Variants in FGF10 observed in about 807,000 individuals in gnomAD.
FGF10 encodes the protein FGF-10.
In FGF10, 2 loss-of-function variants were observed where a neutral mutation model predicts 19.8. The observed-to-expected ratio is 0.10, with a 90% CI of 0.04 to 0.32. The LOEUF (loss-of-function observed/expected upper bound fraction) is 0.32. Ranked by LOEUF, FGF10 falls within the 10% of genes least tolerant of loss-of-function variation. The pLI is 1.00. For missense variants in FGF10, 191 were observed against 246.3 expected (o/e 0.78, Z 1.50); for synonymous variants, 112 against 94.0 (o/e 1.19, Z -1.10).
At chr5:44,339,581 T>C (rs1205211478) in intron 1 of FGF10, among the ~76,000 whole-genome samples, 2 of 152,206 alleles carry the variant, frequency 1.3e-5, no homozygotes, top group Non-Finnish European at 2.9e-5. Flanking sequence ...CAACACTCTA[T>C]TTGTGAAACA....
chr5:44,343,964 G>A (rs771090691), intron 1 of FGF10, among the ~76,000 whole-genome samples: 3 of 151,996 alleles, frequency 2.0e-5, no homozygotes, highest in African/African-American at 4.8e-5. Flanking sequence ...AATGACTGGT[G>A]TTGAGAAAAT....
At chr5:44,314,281 A>T (rs1740282521) in intron 1 of FGF10, among the ~76,000 whole-genome samples, 1 of 152,304 alleles carries the variant, frequency 6.6e-6, no homozygotes. Context: ...TTTAGTAAAC[A>T]TCTTGTGCAG....
At chr5:44,344,113 T>G (rs921147231) in intron 1 of FGF10, among the ~76,000 whole-genome samples, 4 of 151,800 alleles carry the variant, frequency 2.6e-5, no homozygotes, top group Non-Finnish European at 5.9e-5. Context: ...CAAGCCAGGT[T>G]GGATGGCCAG....
At chr5:44,338,304 C>T (rs571024282) in intron 1 of FGF10, among the ~76,000 whole-genome samples, 9 of 152,262 alleles carry the variant, frequency 5.9e-5, no homozygotes, top group Non-Finnish European at 1.2e-4. Context: ...TCTTTGTACT[C>T]TTCTGTATTT....
chr5:44,319,867 G>A (rs1194402074), intron 1 of FGF10, among the ~76,000 whole-genome samples: 1 of 152,116 alleles, frequency 6.6e-6, no homozygotes, highest in Non-Finnish European at 1.5e-5. Context: ...CCATGGACTG[G>A]TACTGGTCCA....
chr5:44,340,658 A>G (rs1740949455), intron 1 of FGF10, among the ~76,000 whole-genome samples: 1 of 151,988 alleles, frequency 6.6e-6, no homozygotes, highest in Non-Finnish European at 1.5e-5. Flanking sequence ...GTGTTACTTA[A>G]CATGAAATTC....
intron 1 of FGF10, among the ~76,000 whole-genome samples, chr5:44,346,603 C>T (rs1167150396): frequency 6.6e-6 from 1 of 151,816 alleles, no homozygotes; most frequent in African/African-American, 2.4e-5. Flanking sequence ...AACTCATGCA[C>T]TCTGCCTGAG....
chr5:44,383,101 C>T (rs1306545023), intron 1 of FGF10, among the ~76,000 whole-genome samples: 2 of 151,912 alleles, frequency 1.3e-5, no homozygotes, highest in Admixed American at 6.6e-5. Flanking sequence ...TCACAGGCAG[C>T]TCATAAATGG....
At position 44,388,735 on chromosome 5, in the gene FGF10, A is replaced by G; in HGVS notation, c.-53T>C. The G allele has an allele frequency of 6.9e-6, 11 of 1,587,836 alleles. No individual in the cohort carries two copies. Among genetic ancestry groups the G allele is most frequent in the Non-Finnish European group, 9.5e-6 (11 of 1,157,704 alleles). On this transcript the variant is annotated 5_prime_UTR_variant, in exon 1 of 3. Coordinates refer to ENST00000264664, the MANE Select transcript of FGF10 (RefSeq NM_004465.2). ...TGTCTCATCAGAAGGAACATACTGGAAGGGTAAGACCCGATGCAAGGCAAG... is the reference window on the plus strand; with the variant it reads ...TGTCTCATCAGAAGGAACATACTGGGAGGGTAAGACCCGATGCAAGGCAAG...
intron 1 of FGF10, among the ~76,000 whole-genome samples, chr5:44,385,346 G>A (rs2111930113): frequency 6.6e-6 from 1 of 152,178 alleles, no homozygotes; most frequent in South Asian, 2.1e-4. Flanking sequence ...CGAATTTCTG[G>A]GAACTAGCTT....
At chr5:44,367,168 A>G (rs1370291118) in intron 1 of FGF10, among the ~76,000 whole-genome samples, 1 of 152,086 alleles carries the variant, frequency 6.6e-6, no homozygotes, top group African/African-American at 2.4e-5. Flanking sequence ...AAATGTTTCC[A>G]TTTATCATCC....
At chr5:44,348,649 T>C (rs114579754) in intron 1 of FGF10, among the ~76,000 whole-genome samples, 362 of 150,684 alleles carry the variant, frequency 2.4e-3, no homozygotes, top group Middle Eastern at 6.8e-3. Flanking sequence ...CCAATTAAAT[T>C]TGAATTTAAG....
At chr5:44,380,703 G>A (rs548287170) in intron 1 of FGF10, among the ~76,000 whole-genome samples, 1 of 152,294 alleles carries the variant, frequency 6.6e-6, no homozygotes, top group South Asian at 2.1e-4. Flanking sequence ...TGTTCAGGCT[G>A]GGTATGGTGG....
intron 1 of FGF10, among the ~76,000 whole-genome samples, chr5:44,373,721 T>C (rs951411830): frequency 1.3e-5 from 2 of 152,196 alleles, no homozygotes; most frequent in South Asian, 2.1e-4. Context: ...ATGTATTCTC[T>C]AAATGAGGTA....
At chr5:44,373,545 G>A (rs1424374007) in intron 1 of FGF10, among the ~76,000 whole-genome samples, 2 of 151,998 alleles carry the variant, frequency 1.3e-5, no homozygotes, top group South Asian at 2.1e-4. Flanking sequence ...TCACTTACAC[G>A]TTCTGTTTTT....
chr5:44,347,114 A>G (rs917022016), intron 1 of FGF10, among the ~76,000 whole-genome samples: 33 of 151,768 alleles, frequency 2.2e-4, no homozygotes, highest in Non-Finnish European at 7.4e-5. Context: ...TAAATACTCA[A>G]TAAATATTTG....
chr5:44,335,183 T>A (rs1027787926), intron 1 of FGF10, among the ~76,000 whole-genome samples: 2 of 152,064 alleles, frequency 1.3e-5, no homozygotes, highest in African/African-American at 4.8e-5. Flanking sequence ...GGTAGGAATA[T>A]GTGGCTCATA....
At chr5:44,326,585 G>A (rs1157083721) in intron 1 of FGF10, among the ~76,000 whole-genome samples, 1 of 149,418 alleles carries the variant, frequency 6.7e-6, no homozygotes, top group African/African-American at 2.5e-5. Context: ...TTTTAATATT[G>A]TTTGTAGAGA....
intron 1 of FGF10, among the ~76,000 whole-genome samples, chr5:44,355,127 C>T (rs994592338): frequency 1.3e-5 from 2 of 151,400 alleles, no homozygotes; most frequent in Non-Finnish European, 3.0e-5. Context: ...TTTACAAGAA[C>T]ATTCATTTCA....
Sources: gnomAD v4.1 joint callset for allele counts (sites outside exome capture counted in the v4.1 genomes callset) on GRCh38, gnomAD v4.1.1 for gene constraint, MANE v1.5 for transcripts, NCBI Gene and HGNC (gene_info 2026-07-23, HGNC 2026-07-21) for gene names.